The following EIF2B3 variants were observed in gnomAD, a reference collection of about 807,000 sequenced individuals.
EIF2B3 encodes the protein translation initiation factor eIF2B subunit gamma.
EIF2B3 carries 20 observed loss-of-function variants against 54.1 expected under a neutral mutation model. The observed-to-expected ratio is 0.37, with a 90% CI of 0.26 to 0.54. The LOEUF is 0.54. EIF2B3 is among the 20% of genes least tolerant of loss of function. The pLI, the probability that EIF2B3 is intolerant of heterozygous loss-of-function variation, is 0.86. For missense variants in EIF2B3, 448 were observed against 547.8 expected (o/e 0.82, Z 1.82); for synonymous variants, 153 against 188.1 (o/e 0.81, Z 1.52).
At chr1:44,858,820 T>C (rs539288252) in intron 10 of EIF2B3, among the ~76,000 whole-genome samples, 1 of 151,468 alleles carries the variant, frequency 6.6e-6, no homozygotes, top group Non-Finnish European at 1.5e-5. Flanking sequence ...GGCTTCAAAT[T>C]TGAGCTCAAG....
intron 10 of EIF2B3, among the ~76,000 whole-genome samples, chr1:44,874,010 G>T (rs114695062): frequency 0.013 from 1,898 of 150,216 alleles, 50 homozygotes; most frequent in African/African-American, 0.046. Context: ...TATACTTACC[G>T]TTTCAGCATC....
chr1:44,933,582 A>G (rs1011926919), intron 4 of EIF2B3, among the ~76,000 whole-genome samples: 2 of 152,168 alleles, frequency 1.3e-5, no homozygotes, highest in Non-Finnish European at 2.9e-5. Flanking sequence ...TATTTATTAT[A>G]ATATATCTTA....
intron 5 of EIF2B3, among the ~76,000 whole-genome samples, chr1:44,918,116 C>A (rs889106521): frequency 7.9e-6 from 1 of 125,886 alleles, no homozygotes; most frequent in Non-Finnish European, 1.6e-5. Context: ...CTCGCTCTGT[C>A]CCCCAGGCTG....
At chr1:44,981,468 T>C (rs1289442925) in intron 1 of EIF2B3, among the ~76,000 whole-genome samples, 4 of 152,136 alleles carry the variant, frequency 2.6e-5, no homozygotes, top group Admixed American at 2.6e-4. Flanking sequence ...AATCACAATA[T>C]ATGTCATTAG....
chr1:44,872,955 A>G (rs968814542), intron 10 of EIF2B3, among the ~76,000 whole-genome samples: 14 of 152,172 alleles, frequency 9.2e-5, no homozygotes, highest in Non-Finnish European at 7.3e-5. Flanking sequence ...AGGGGTCTCT[A>G]TTAGTGGTGT....
chr1:44,934,489 A>AT (rs895662060), intron 4 of EIF2B3, among the ~76,000 whole-genome samples: 3 of 151,628 alleles, frequency 2.0e-5, no homozygotes, highest in African/African-American at 7.3e-5. Flanking sequence ...AATTTTTTTA[A>AT]TTTTTTATTA....
At chr1:44,914,193 T>G (rs2148924454) in intron 5 of EIF2B3, among the ~76,000 whole-genome samples, 1 of 148,470 alleles carries the variant, frequency 6.7e-6, no homozygotes, top group African/African-American at 2.5e-5. Flanking sequence ...AGAGTTCCAC[T>G]CTTGTTGCCC....
chr1:44,904,119 G>A (rs949986984), intron 5 of EIF2B3, among the ~76,000 whole-genome samples: 2 of 152,064 alleles, frequency 1.3e-5, no homozygotes, highest in Non-Finnish European at 2.9e-5. Flanking sequence ...AAAACTGAGT[G>A]TGTCCTGCCA....
At chr1:44,892,947 A>T (rs993989680) in intron 6 of EIF2B3, among the ~76,000 whole-genome samples, 3 of 152,186 alleles carry the variant, frequency 2.0e-5, no homozygotes, top group Admixed American at 1.3e-4. Context: ...AACCAAGACT[A>T]CTACTGCCAG....
At chr1:44,908,700 T>C (rs952521945) in intron 5 of EIF2B3, among the ~76,000 whole-genome samples, 1 of 152,090 alleles carries the variant, frequency 6.6e-6, no homozygotes, top group African/African-American at 2.4e-5. Flanking sequence ...AGATTTGGGA[T>C]AAAGAGATAG....
chr1:44,901,425 T>A (rs373074879), intron 5 of EIF2B3, among the ~76,000 whole-genome samples: 1 of 151,896 alleles, frequency 6.6e-6, no homozygotes, highest in Non-Finnish European at 1.5e-5. Context: ...CCCTTTAAGA[T>A]TTTTTTATAG....
At chr1:44,903,487 A>C (rs997784849) in intron 5 of EIF2B3, among the ~76,000 whole-genome samples, 2 of 152,196 alleles carry the variant, frequency 1.3e-5, no homozygotes, top group African/African-American at 2.4e-5. Flanking sequence ...TATCCTGCTC[A>C]CTGCCTAAGT....
At chr1:44,902,478 T>C (rs1643325728) in intron 5 of EIF2B3, among the ~76,000 whole-genome samples, 1 of 151,502 alleles carries the variant, frequency 6.6e-6, no homozygotes, top group South Asian at 2.1e-4. Context: ...CCTAGGCGAC[T>C]AAGCAAGACC....
chr1:44,853,397 C>T (rs1382497834), intron 11 of EIF2B3, among the ~76,000 whole-genome samples: 1 of 151,932 alleles, frequency 6.6e-6, no homozygotes, highest in African/African-American at 2.4e-5. Flanking sequence ...ATTGCCCCAG[C>T]CCAGGAGTTT....
intron 10 of EIF2B3, 63 bp downstream of exon 10, chr1:44,874,615 T>A (rs1655060149): frequency 6.3e-7 from 1 of 1,582,286 alleles, no homozygotes; most frequent in Non-Finnish European, 8.7e-7. Flanking sequence ...TTAACCTTCC[T>A]TCAGAATTTT....
At chr1:44,895,935 G>T (rs1188924429) in intron 6 of EIF2B3, among the ~76,000 whole-genome samples, 2 of 152,168 alleles carry the variant, frequency 1.3e-5, no homozygotes, top group Non-Finnish European at 2.9e-5. Flanking sequence ...TTATTTGGGA[G>T]TGAAAAATAA....
At chr1:44,904,140 C>A (rs1196353698) in intron 5 of EIF2B3, among the ~76,000 whole-genome samples, 1 of 152,136 alleles carries the variant, frequency 6.6e-6, no homozygotes. Flanking sequence ...GCTTATATGG[C>A]TGCACAGAAT....
chr1:44,923,999 G>A (rs566441708), intron 5 of EIF2B3, among the ~76,000 whole-genome samples: 13 of 149,762 alleles, frequency 8.7e-5, no homozygotes, highest in Middle Eastern at 6.9e-3. Context: ...GGAGTACAGC[G>A]GTGCAATCTC....
intron 3 of EIF2B3, 101 bp downstream of exon 3, chr1:44,978,214 G>C: frequency 7.2e-7 from 1 of 1,388,478 alleles, no homozygotes; most frequent in Non-Finnish European, 1.0e-6. Flanking sequence ...CTAGGTGACA[G>C]AGCGAGGTTC....
Sources: allele counts gnomAD v4.1 joint callset (sites outside exome capture counted in the v4.1 genomes callset), GRCh38; gene constraint gnomAD v4.1.1; transcripts MANE v1.5; gene names NCBI Gene and HGNC (gene_info 2026-07-23, HGNC 2026-07-21).